Variants in GFOD1 observed in about 807,000 individuals in gnomAD.
GFOD1 encodes Gfo/Idh/MocA-like oxidoreductase domain containing 1.
A neutral mutation model predicts 25.4 loss-of-function variants in GFOD1; 9 were observed. The ratio of observed to expected loss-of-function variants is 0.35; its 90% CI spans 0.21 to 0.62. The LOEUF (loss-of-function observed/expected upper bound fraction) is 0.62, where lower values mean the gene tolerates loss of function less well. GFOD1 is among the 20% of genes least tolerant of loss of function. GFOD1 has a pLI of 0.72. For missense variants in GFOD1, 403 were observed against 556.9 expected (o/e 0.72, Z 2.78); for synonymous variants, 253 against 245.6 (o/e 1.03, Z -0.28).
At chr6:13,433,447 G>C (rs561788939) in intron 1 of GFOD1, among the ~76,000 whole-genome samples, 2 of 152,250 alleles carry the variant, frequency 1.3e-5, no homozygotes, top group East Asian at 1.9e-4. Flanking sequence ...GTAGGGAGCT[G>C]ACTGTCCTGT....
At chr6:13,441,192 C>A (rs4715295) in intron 1 of GFOD1, among the ~76,000 whole-genome samples, 76,964 of 151,998 alleles carry the variant, frequency 0.51, 22,404 homozygotes, top group South Asian at 0.67. Flanking sequence ...GATTCTGAGA[C>A]CTCCCTCCAG....
intron 1 of GFOD1, among the ~76,000 whole-genome samples, chr6:13,456,986 G>A (rs1758200735): frequency 6.6e-6 from 1 of 152,174 alleles, no homozygotes; most frequent in Admixed American, 6.5e-5. Flanking sequence ...CAGTTTCAGA[G>A]CATTCAGGTG....
intron 1 of GFOD1, among the ~76,000 whole-genome samples, chr6:13,412,075 A>G (rs951678596): frequency 3.3e-5 from 5 of 152,254 alleles, no homozygotes; most frequent in Non-Finnish European, 5.9e-5. Flanking sequence ...TTCCAGCCTT[A>G]GCAAGAGCTC....
chr6:13,401,350 G>A (rs551389789), intron 1 of GFOD1, among the ~76,000 whole-genome samples: 6 of 152,134 alleles, frequency 3.9e-5, no homozygotes, highest in Admixed American at 2.0e-4. Flanking sequence ...GAGCCGTGTA[G>A]CAGATGAGAG....
At chr6:13,451,967 T>C (rs1273639642) in intron 1 of GFOD1, among the ~76,000 whole-genome samples, 1 of 152,152 alleles carries the variant, frequency 6.6e-6, no homozygotes. Context: ...CTCAGCACTG[T>C]CTTAAATTCA....
chr6:13,363,211 CTGTGTGTGTGTG>C lies in GFOD1; in HGVS notation c.*1520_*1531del, dbSNP rs60733886. On this transcript the variant is annotated 3_prime_UTR_variant, in exon 2 of 2. Coordinates refer to ENST00000379287, the MANE Select transcript of GFOD1 (RefSeq NM_018988.4). ...TTGTCGGTAGCAACCATTCAAAAAT[CTGTGTGTGTGTG>C]TGTGTGTGTGTGTGTGCACGTGCAT... The C allele has an allele frequency of 6.7e-6, 1 of 148,628 alleles. No individual in the cohort carries two copies. Among genetic ancestry groups the C allele is most frequent in the Non-Finnish European group, 1.5e-5 (1 of 67,030 alleles). The allele number at this position is 148,628 out of a possible 1,614,324, so 9.2% of individuals were successfully genotyped here. A position where few individuals can be genotyped will look rare whatever the true frequency, so the allele number is the denominator to read the frequency against.
chr6:13,398,304 T>A (rs1584627989), intron 1 of GFOD1, among the ~76,000 whole-genome samples: 1 of 152,002 alleles, frequency 6.6e-6, no homozygotes, highest in South Asian at 2.1e-4. Flanking sequence ...TTGGATCTGT[T>A]ACGAGGCTCA....
At position 13,375,943 on chromosome 6, in the gene GFOD1, A is replaced by G; in HGVS notation, c.254-10281T>C. On this transcript the variant is annotated intron_variant, in intron 1 of 1. Transcript: ENST00000379287. ...ATCTCTACAGCTTATATTTGAGGCT[A>G]CAGTTGAGAATGCAGATATGATATT... Among the ~76,000 whole-genome samples, 2 of 152,236 alleles carry G rather than the reference A, an allele frequency of 1.3e-5. 1 individual carries two copies. Among genetic ancestry groups the G allele is most frequent in the South Asian group, 4.1e-4 (2 of 4,834 alleles).
intron 1 of GFOD1, among the ~76,000 whole-genome samples, chr6:13,442,525 G>C (rs1414304837): frequency 6.6e-6 from 1 of 152,200 alleles, no homozygotes; most frequent in African/African-American, 2.4e-5. Flanking sequence ...TTCATAGCTA[G>C]AGAGAAGTCA....
chr6:13,470,157 C>G (rs762056100), intron 1 of GFOD1: 9 of 1,527,792 alleles, frequency 5.9e-6, no homozygotes, highest in Non-Finnish European at 8.0e-6. Context: ...CCAGTGATGT[C>G]CCACTGGCTT....
intron 1 of GFOD1, among the ~76,000 whole-genome samples, chr6:13,425,552 A>T (rs984536880): frequency 6.6e-6 from 1 of 152,206 alleles, no homozygotes; most frequent in African/African-American, 2.4e-5. Context: ...AAAGTCCCTC[A>T]TGGGGTTGCT....
intron 1 of GFOD1, among the ~76,000 whole-genome samples, chr6:13,398,016 C>A (rs1785768671): frequency 6.6e-6 from 1 of 152,212 alleles, no homozygotes; most frequent in African/African-American, 2.4e-5. Flanking sequence ...GTCTGAGAAG[C>A]TGTGTATAGG....
At position 13,468,798 on chromosome 6, in the gene GFOD1, C is replaced by T. The variant is rs1562228281; in HGVS notation, c.253+17840G>A. On this transcript the variant is annotated intron_variant, in intron 1 of 1. Transcript: ENST00000379287. ...GCCTCCCATCTGAGATATCAAGGCC[C>T]CCCTGACCAATCCCCCTTCCAGTTC... Among the ~76,000 whole-genome samples, 3 of 151,976 alleles carry T rather than the reference C, an allele frequency of 2.0e-5. No individual in the cohort carries two copies. In the East Asian group the frequency reaches 5.8e-4, roughly 29 times the overall value.
intron 1 of GFOD1, among the ~76,000 whole-genome samples, chr6:13,424,412 A>T (rs1293903592): frequency 6.6e-6 from 1 of 152,228 alleles, no homozygotes; most frequent in Non-Finnish European, 1.5e-5. Context: ...CTCTTTAAAC[A>T]GAGAAGCCAT....
intron 1 of GFOD1, among the ~76,000 whole-genome samples, chr6:13,378,392 T>G (rs538669245): frequency 6.6e-6 from 1 of 152,168 alleles, no homozygotes; most frequent in East Asian, 1.9e-4. Flanking sequence ...GGGAAATCAA[T>G]GAAAGGAGGG....
chr6:13,459,640 G>A (rs1310810013), intron 1 of GFOD1, among the ~76,000 whole-genome samples: 1 of 151,986 alleles, frequency 6.6e-6, no homozygotes, highest in Non-Finnish European at 1.5e-5. Context: ...GGACCTACAA[G>A]GAACTTAAAT....
chr6:13,428,964 G>A (rs890612716), intron 1 of GFOD1, among the ~76,000 whole-genome samples: 1 of 152,226 alleles, frequency 6.6e-6, no homozygotes, highest in African/African-American at 2.4e-5. Context: ...CATATGAAAA[G>A]TGGGAATAAA....
At chr6:13,399,554 A>C (rs566495315) in intron 1 of GFOD1, among the ~76,000 whole-genome samples, 1 of 152,344 alleles carries the variant, frequency 6.6e-6, no homozygotes, top group East Asian at 1.9e-4. Context: ...AGTAAAGATA[A>C]ATGAACTACT....
rs560809338 is a variant in GFOD1, at chr6:13,438,866, G to A, written c.253+47772C>T. Among the ~76,000 whole-genome samples, 14 of 152,270 alleles carry A rather than the reference G, an allele frequency of 9.2e-5. No individual in the cohort carries two copies. The South Asian group carries it at 2.9e-3, about 32-fold the overall frequency. On this transcript the variant is annotated intron_variant, in intron 1 of 1. Transcript: ENST00000379287. The stretch of plus-strand genomic sequence containing the variant: ...GTACTGGAGCTGGTACTTAGGTGAA[G>A]GTGTTAGCTGGTAATGTTCTGAGAG...
Sources: gnomAD v4.1 joint callset for allele counts (sites outside exome capture counted in the v4.1 genomes callset) on GRCh38, gnomAD v4.1.1 for gene constraint, MANE v1.5 for transcripts, NCBI Gene and HGNC (gene_info 2026-07-23, HGNC 2026-07-21) for gene names.